The following KSR2 variants were observed in gnomAD, a reference collection of about 807,000 sequenced individuals.
KSR2 encodes kinase suppressor of ras 2.
In KSR2, 25 loss-of-function variants were observed where a neutral mutation model predicts 107.8. The observed-to-expected ratio is 0.23, with a 90% CI of 0.17 to 0.32. The LOEUF (loss-of-function observed/expected upper bound fraction) is 0.32. Ranked by LOEUF, KSR2 falls within the 10% of genes least tolerant of loss-of-function variation. The pLI is 1.00. For missense variants in KSR2, 887 were observed against 1,268.9 expected (o/e 0.70, Z 4.57); for synonymous variants, 480 against 507.0 (o/e 0.95, Z 0.71).
In KSR2 at chr12:117,944,573, T is replaced by G. The variant is rs550513317; in HGVS notation, c.180+23503A>C. 3.3e-5 allele frequency among the ~76,000 whole-genome samples: 5 copies of G among 149,978 alleles called. No homozygotes were observed. In the East Asian group the frequency reaches 5.9e-4, roughly 18 times the overall value. Reference sequence around the variant, plus strand: ...GTTTGTAAAATCCTGAAAAAAAAAATGGTCAGGTGCAGTGGCTCACGCCTG... The same window carrying G: ...GTTTGTAAAATCCTGAAAAAAAAAAGGGTCAGGTGCAGTGGCTCACGCCTG... On this transcript the variant is annotated intron_variant, in intron 1 of 19. Transcript: ENST00000339824.
At chr12:117,843,929 C>CTTTTTT (rs58326707) in intron 3 of KSR2, among the ~76,000 whole-genome samples, 1 of 127,550 alleles carries the variant, frequency 7.8e-6, no homozygotes, top group Non-Finnish European at 1.6e-5. Flanking sequence ...TTAAGCTTCC[C>CTTTTTT]TTTTTTTTTT....
At chr12:117,695,958 A>C (rs1174124327) in intron 4 of KSR2, among the ~76,000 whole-genome samples, 1 of 152,148 alleles carries the variant, frequency 6.6e-6, no homozygotes, top group East Asian at 1.9e-4. Flanking sequence ...TGCAAGTGAA[A>C]GCTGACAGCC....
chr12:117,854,227 GAATTCCTGAGCAC>G (rs1329140730), intron 3 of KSR2, among the ~76,000 whole-genome samples: 4 of 151,948 alleles, frequency 2.6e-5, no homozygotes, highest in African/African-American at 9.7e-5. Context: ...GGCTGGTCTG[GAATTCCTGAGCAC>G]AAGAGATCCT....
intron 5 of KSR2, among the ~76,000 whole-genome samples, chr12:117,656,941 G>GAGATAT (rs372591941): frequency 0.012 from 1,212 of 101,992 alleles, 39 homozygotes; most frequent in Middle Eastern, 0.015. Flanking sequence ...TATATAATAG[G>GAGATAT]ATATATATAT....
intron 1 of KSR2, among the ~76,000 whole-genome samples, chr12:117,867,938 C>T (rs1486142778): frequency 1.3e-5 from 2 of 152,208 alleles, no homozygotes; most frequent in African/African-American, 4.8e-5. Context: ...CAAATGCCAC[C>T]TGCTCCAGCA....
intron 5 of KSR2, among the ~76,000 whole-genome samples, chr12:117,648,820 A>T (rs1306270040): frequency 6.6e-6 from 1 of 152,234 alleles, no homozygotes; most frequent in Non-Finnish European, 1.5e-5. Context: ...AAATATGCTC[A>T]GCCAAACAGA....
At chr12:117,653,391 C>T (rs1259348472) in intron 5 of KSR2, among the ~76,000 whole-genome samples, 1 of 152,250 alleles carries the variant, frequency 6.6e-6, no homozygotes, top group East Asian at 1.9e-4. Context: ...CAGCAATATA[C>T]CTTCACTGTC....
intron 11 of KSR2, 128 bp from the exon 12 acceptor site, chr12:117,531,141 C>T (rs1381321200): frequency 4.0e-6 from 3 of 754,340 alleles, no homozygotes; most frequent in Non-Finnish European, 7.0e-6. Flanking sequence ...TGGCCAATCT[C>T]CTTTCTCCTT....
chr12:117,524,071 C>T (rs11068529), intron 14 of KSR2, among the ~76,000 whole-genome samples: 3,011 of 152,270 alleles, frequency 0.02, 77 homozygotes, highest in East Asian at 0.095. Context: ...TATTGGGACA[C>T]AGCCCTGCAA....
intron 5 of KSR2, among the ~76,000 whole-genome samples, chr12:117,626,085 CTT>C (rs1882495968): frequency 6.6e-6 from 1 of 151,662 alleles, no homozygotes; most frequent in South Asian, 2.1e-4. Flanking sequence ...CTATTTGATT[CTT>C]CTCTCTTTTC....
At chr12:117,801,035 G>A (rs1890815687) in intron 3 of KSR2, among the ~76,000 whole-genome samples, 1 of 152,146 alleles carries the variant, frequency 6.6e-6, no homozygotes, top group Non-Finnish European at 1.5e-5. Context: ...CTTTGCTATT[G>A]TAAATAGCGC....
chr12:117,575,162 C>T (rs1446160532), intron 7 of KSR2, among the ~76,000 whole-genome samples: 3 of 152,180 alleles, frequency 2.0e-5, no homozygotes, highest in African/African-American at 7.2e-5. Flanking sequence ...CCAACTCCTA[C>T]CCATGCCCCA....
At chr12:117,764,603 T>C (rs1351950093) in intron 3 of KSR2, among the ~76,000 whole-genome samples, 1 of 152,052 alleles carries the variant, frequency 6.6e-6, no homozygotes, top group Non-Finnish European at 1.5e-5. Context: ...AAAATGAGCC[T>C]CCTCCCAGGC....
intron 4 of KSR2, among the ~76,000 whole-genome samples, chr12:117,724,024 G>A (rs1818202): frequency 0.38 from 57,686 of 151,652 alleles, 11,110 homozygotes; most frequent in Middle Eastern, 0.48. Flanking sequence ...TATATCTTTC[G>A]GGCTGGGCGT....
intron 14 of KSR2, among the ~76,000 whole-genome samples, chr12:117,509,303 T>C (rs370983266): frequency 6.6e-6 from 1 of 152,120 alleles, no homozygotes; most frequent in Non-Finnish European, 1.5e-5. Flanking sequence ...CAGCACCTGA[T>C]GGAAGGCCCA....
Position 117,462,346 on chromosome 12 carries a change from G to A in KSR2, c.*4853C>T, listed in dbSNP as rs1460951319. ...TTGCAGATATAATTAGTTAAGATGA[G>A]GTCATACTGAAATAGGGTGGGCCCT... On this transcript the variant is annotated 3_prime_UTR_variant, in exon 20 of 20. Coordinates refer to ENST00000339824, the MANE Select transcript of KSR2 (RefSeq NM_173598.6). The A allele has an allele frequency of 6.7e-6, 1 of 150,190 alleles. No homozygotes were observed. Among genetic ancestry groups the A allele is most frequent in the Non-Finnish European group, 1.5e-5 (1 of 67,630 alleles). The allele number at this position is 150,190 out of a possible 1,614,324, so 9.3% of individuals were successfully genotyped here. A position where few individuals can be genotyped will look rare whatever the true frequency, so the allele number is the denominator to read the frequency against.
intron 1 of KSR2, among the ~76,000 whole-genome samples, chr12:117,888,462 C>A (rs540409908): frequency 6.6e-6 from 1 of 152,036 alleles, no homozygotes; most frequent in Non-Finnish European, 1.5e-5. Context: ...TCCCCAAAAG[C>A]CATATATTGA....
chr12:117,782,852 T>C (rs1258879638), intron 3 of KSR2, among the ~76,000 whole-genome samples: 1 of 152,096 alleles, frequency 6.6e-6, no homozygotes, highest in Non-Finnish European at 1.5e-5. Context: ...GGCTGTAGGG[T>C]AAGAATGGGA....
chr12:117,513,024 G>A (rs912720881), intron 14 of KSR2, among the ~76,000 whole-genome samples: 13 of 150,982 alleles, frequency 8.6e-5, no homozygotes, highest in African/African-American at 4.9e-5. Flanking sequence ...CCCTCCCCCC[G>A]CAAAAAAATC....
Sources: allele counts gnomAD v4.1 joint callset (sites outside exome capture counted in the v4.1 genomes callset), GRCh38; gene constraint gnomAD v4.1.1; transcripts MANE v1.5; gene names NCBI Gene and HGNC (gene_info 2026-07-23, HGNC 2026-07-21).